The following NELL2 variants were observed in gnomAD, a reference collection of about 807,000 sequenced individuals.
The protein encoded by NELL2 is neural EGFL like 2.
NELL2 carries 41 observed loss-of-function variants against 109.6 expected under a neutral mutation model. The ratio of observed to expected loss-of-function variants is 0.37; its 90% CI spans 0.29 to 0.49. The LOEUF (loss-of-function observed/expected upper bound fraction) is 0.49. Ranked by LOEUF, NELL2 falls within the 20% of genes least tolerant of loss-of-function variation. NELL2 has a pLI of 0.98. For synonymous variants in NELL2, 355 were observed against 344.7 expected (o/e 1.03, Z -0.33); for missense variants, 900 against 1,008.3 (o/e 0.89, Z 1.45).
chr12:44,700,697 A>G (rs1949203477), intron 12 of NELL2, among the ~76,000 whole-genome samples: 1 of 152,116 alleles, frequency 6.6e-6, no homozygotes, highest in Non-Finnish European at 1.5e-5. Context: ...ATGCCCTATT[A>G]ATCTATTTCT....
At chr12:44,899,507 C>A (rs990863011) in intron 1 of NELL2, among the ~76,000 whole-genome samples, 2 of 152,092 alleles carry the variant, frequency 1.3e-5, no homozygotes, top group Non-Finnish European at 2.9e-5. Context: ...TATATCCAAC[C>A]AAACTAAGCT....
intron 2 of NELL2, among the ~76,000 whole-genome samples, chr12:44,824,520 G>C (rs183715182): frequency 6.6e-6 from 1 of 151,756 alleles, no homozygotes; most frequent in Non-Finnish European, 1.5e-5. Flanking sequence ...TTTCCCCCTC[G>C]TATGCTGTTG....
At position 44,562,940 on chromosome 12, in the gene NELL2, G is replaced by C. The variant is rs566421611; in HGVS notation, c.1664-30219C>G. The stretch of plus-strand genomic sequence containing the variant: ...CCAAATGCCCATCAATGATAGACTG[G>C]ATAAAGAAAATGTGGCACATATATA... On this transcript the variant is annotated intron_variant, in intron 15 of 19. Transcript: ENST00000429094. Among the ~76,000 whole-genome samples, 5 of 152,290 alleles carry C rather than the reference G, an allele frequency of 3.3e-5. No individual in the cohort carries two copies. In the South Asian group the frequency reaches 1.0e-3, roughly 32 times the overall value.
chr12:44,892,655 A>G (rs1945547354), intron 1 of NELL2, among the ~76,000 whole-genome samples: 1 of 151,854 alleles, frequency 6.6e-6, no homozygotes, highest in African/African-American at 2.4e-5. Flanking sequence ...AACATTAGCC[A>G]GGAGTGGTGG....
intron 2 of NELL2, among the ~76,000 whole-genome samples, chr12:44,852,272 C>A (rs1857927): frequency 0.84 from 128,371 of 152,204 alleles, 54,341 homozygotes; most frequent in Middle Eastern, 0.95. Flanking sequence ...AAAACGTTAA[C>A]AAATTAGATT....
intron 15 of NELL2, among the ~76,000 whole-genome samples, chr12:44,587,284 A>AAAAAAAATATATATAT: frequency 2.5e-4 from 18 of 72,164 alleles, no homozygotes; most frequent in Non-Finnish European, 3.8e-4. Context: ...AAAAAAAAAA[A>AAAAAAAATATATATAT]ATATATATAT....
chr12:44,882,457 CATATATACATATGTGT>C (rs1291157605), intron 1 of NELL2, among the ~76,000 whole-genome samples: 7 of 150,582 alleles, frequency 4.6e-5, no homozygotes, highest in Non-Finnish European at 1.0e-4. Context: ...GTATTTTCAA[CATATATACATATGTGT>C]ATATATACAT....
intron 15 of NELL2, among the ~76,000 whole-genome samples, chr12:44,572,682 T>C (rs971614242): frequency 5.3e-5 from 8 of 152,228 alleles, no homozygotes; most frequent in African/African-American, 1.9e-4. Context: ...AATGGGAGAT[T>C]TAGTTTAGAC....
intron 9 of NELL2, among the ~76,000 whole-genome samples, chr12:44,721,899 T>A (rs941573549): frequency 6.6e-6 from 1 of 152,010 alleles, no homozygotes; most frequent in East Asian, 1.9e-4. Flanking sequence ...ATGACAGCTA[T>A]ATTAATAACT....
At chr12:44,714,419 G>C (rs1162964817) in intron 10 of NELL2, among the ~76,000 whole-genome samples, 2 of 151,874 alleles carry the variant, frequency 1.3e-5, no homozygotes, top group African/African-American at 4.8e-5. Flanking sequence ...ACTTCATAAA[G>C]CTTTAATTTG....
At chr12:44,597,287 C>A (rs1165357539) in intron 15 of NELL2, among the ~76,000 whole-genome samples, 1 of 152,064 alleles carries the variant, frequency 6.6e-6, no homozygotes, top group African/African-American at 2.4e-5. Flanking sequence ...AAAAAATATT[C>A]CTGATGAAGA....
chr12:44,734,786 A>G (rs1231207081), intron 9 of NELL2, among the ~76,000 whole-genome samples: 1 of 152,066 alleles, frequency 6.6e-6, no homozygotes, highest in African/African-American at 2.4e-5. Flanking sequence ...CTGTAAGATT[A>G]TGAGGATAAT....
At chr12:44,665,154 C>A (rs1947879660) in intron 13 of NELL2, among the ~76,000 whole-genome samples, 1 of 152,022 alleles carries the variant, frequency 6.6e-6, no homozygotes, top group African/African-American at 2.4e-5. Context: ...ATTCAAAAAT[C>A]TATCATCATA....
intron 12 of NELL2, among the ~76,000 whole-genome samples, chr12:44,683,174 T>G: frequency 6.6e-6 from 1 of 152,180 alleles, no homozygotes; most frequent in Admixed American, 6.5e-5. Flanking sequence ...TTATTCTCTT[T>G]GAAGCAATTG....
At chr12:44,612,401 G>A (rs1195890321) in intron 13 of NELL2, among the ~76,000 whole-genome samples, 1 of 151,390 alleles carries the variant, frequency 6.6e-6, no homozygotes, top group Non-Finnish European at 1.5e-5. Flanking sequence ...AATCACCAAG[G>A]TTCTAGAACT....
intron 15 of NELL2, among the ~76,000 whole-genome samples, chr12:44,577,639 G>C (rs1944155358): frequency 6.6e-6 from 1 of 151,784 alleles, no homozygotes; most frequent in Non-Finnish European, 1.5e-5. Context: ...ACCATGCCCG[G>C]CTAATTTTTT....
chr12:44,804,247 C>T (rs1942926662), intron 3 of NELL2, among the ~76,000 whole-genome samples: 1 of 151,836 alleles, frequency 6.6e-6, no homozygotes, highest in Admixed American at 6.6e-5. Context: ...GACAGCATGT[C>T]AATCACCTTC....
chr12:44,527,854 G>A (rs548338077), intron 16 of NELL2, among the ~76,000 whole-genome samples: 36 of 152,080 alleles, frequency 2.4e-4, no homozygotes, highest in South Asian at 1.7e-3. Flanking sequence ...AGCACTTTGG[G>A]AGGCCGAGGC....
chr12:44,574,760 A>G (rs750124289), intron 15 of NELL2, among the ~76,000 whole-genome samples: 13 of 152,168 alleles, frequency 8.5e-5, no homozygotes, highest in East Asian at 1.9e-4. Context: ...ATTTCTGCCA[A>G]GAATATTCTG....
Sources: gnomAD v4.1 joint callset for allele counts (sites outside exome capture counted in the v4.1 genomes callset) on GRCh38, gnomAD v4.1.1 for gene constraint, MANE v1.5 for transcripts, NCBI Gene and HGNC (gene_info 2026-07-23, HGNC 2026-07-21) for gene names.